Variants in SATL1 observed in about 807,000 individuals in gnomAD.
SATL1 encodes the protein spermidine/spermine N1-acetyl transferase like 1.
SATL1 carries 47 observed loss-of-function variants against 51.8 expected under a neutral mutation model. That is an observed-to-expected ratio of 0.91 (90% CI 0.72 to 1.16). SATL1 has a LOEUF of 1.16. Among genes scored for constraint, SATL1 ranks in the 50% most tolerant of loss-of-function variants. SATL1 has a pLI of 0.00. For missense variants in SATL1, 520 were observed against 526.4 expected (o/e 0.99, Z 0.12); for synonymous variants, 176 against 182.4 (o/e 0.97, Z 0.28).
At chrX:85,140,370 G>C (rs760971772) in intron 2 of SATL1, among the ~76,000 whole-genome samples, 1 of 111,815 alleles carries the variant, frequency 8.9e-6, no homozygotes, top group Non-Finnish European at 1.9e-5. Context: ...CCCTAAGAGG[G>C]TGGTATTATA....
In SATL1 at chrX:85,240,980, G is replaced by A. The variant is rs185700200; in HGVS notation, c.-435+2608C>T. On this transcript the variant is annotated intron_variant, in intron 1 of 7. Transcript: ENST00000644105. ...GTACCCCTGCTCTCTGACACAATAT[G>A]TCACAATCTCATCTTATTTGTTTTT... Among the ~76,000 whole-genome samples the A allele has an allele frequency of 7.0e-3, 762 of 108,847 alleles. 4 individuals carry two copies. The highest frequency in any genetic ancestry group is 0.025 in the African/African-American group (712 of 29,057). The allele number at this position is 108,847 out of a possible 115,157, so 94.5% of individuals were successfully genotyped here.
chrX:85,188,668 C>T (rs748090956), intron 2 of SATL1, among the ~76,000 whole-genome samples: 1 of 111,017 alleles, frequency 9.0e-6, no homozygotes, highest in Admixed American at 9.7e-5. Flanking sequence ...ATTGCATACC[C>T]AAAACTATAC....
chrX:85,164,171 T>C (rs2147730197), intron 2 of SATL1, among the ~76,000 whole-genome samples: 1 of 111,981 alleles, frequency 8.9e-6, no homozygotes, highest in East Asian at 2.8e-4. Flanking sequence ...TCTCAGCAAA[T>C]ACTTGGTTGG....
At chrX:85,123,104 AGTGCTACAATGAACATATGT>A (rs1396378708) in intron 2 of SATL1, among the ~76,000 whole-genome samples, 8 of 111,931 alleles carry the variant, frequency 7.1e-5, no homozygotes, top group Non-Finnish European at 1.3e-4. Context: ...TATTGTGAAT[AGTGCTACAATGAACATATGT>A]GTGCACATGT....
intron 2 of SATL1, among the ~76,000 whole-genome samples, chrX:85,174,707 A>C (rs753595112): frequency 8.9e-6 from 1 of 111,756 alleles, no homozygotes; most frequent in African/African-American, 3.2e-5. Context: ...AATCAAAATC[A>C]AAATCAAATA....
intron 5 of SATL1, 122 bp downstream of exon 5, chrX:85,094,790 TAAAA>T (rs368054738): frequency 2.2e-6 from 1 of 462,270 alleles, no homozygotes; most frequent in Non-Finnish European, 3.8e-6. Context: ...GCATTTTCTT[TAAAA>T]AAACTGGGTT....
At chrX:85,181,238 C>G (rs1927196777) in intron 2 of SATL1, among the ~76,000 whole-genome samples, 2 of 105,978 alleles carry the variant, frequency 1.9e-5, no homozygotes. Context: ...CCTCCTGGAA[C>G]CAAATATTGA....
At chrX:85,220,680 A>C (rs1174372182) in intron 2 of SATL1, among the ~76,000 whole-genome samples, 2 of 87,496 alleles carry the variant, frequency 2.3e-5, no homozygotes, top group Admixed American at 2.5e-4. Flanking sequence ...AAAAAAAAAA[A>C]AAAAAAACTC....
At chrX:85,208,384 A>C (rs906122922) in intron 2 of SATL1, among the ~76,000 whole-genome samples, 2 of 111,673 alleles carry the variant, frequency 1.8e-5, no homozygotes, top group African/African-American at 6.5e-5. Context: ...TCTTTGTAGC[A>C]GCATGATTTA....
intron 2 of SATL1, among the ~76,000 whole-genome samples, chrX:85,221,803 T>A (rs1338220055): frequency 8.9e-6 from 1 of 112,274 alleles, no homozygotes; most frequent in African/African-American, 3.2e-5. Flanking sequence ...GACTCCTTTA[T>A]TTATACTGAG....
intron 2 of SATL1, among the ~76,000 whole-genome samples, chrX:85,171,886 G>T (rs756523265): frequency 1.3e-3 from 141 of 111,530 alleles, no homozygotes; most frequent in African/African-American, 4.3e-3. Context: ...ATGATTTAAA[G>T]AGAATGCCAA....
intron 2 of SATL1, among the ~76,000 whole-genome samples, chrX:85,132,954 A>C: frequency 9.0e-6 from 1 of 111,664 alleles, no homozygotes; most frequent in Non-Finnish European, 1.9e-5. Flanking sequence ...TCCACTCCAG[A>C]CCCTGTTTGC....
At chrX:85,219,284 G>A (rs1928122499) in intron 2 of SATL1, 2 of 112,221 alleles carry the variant, frequency 1.8e-5, no homozygotes, top group Admixed American at 9.4e-5. Context: ...CTGTGAGTAT[G>A]AATTATCTAT....
At chrX:85,134,790 A>G (rs1222454655) in intron 2 of SATL1, among the ~76,000 whole-genome samples, 1 of 111,660 alleles carries the variant, frequency 9.0e-6, no homozygotes, top group Non-Finnish European at 1.9e-5. Context: ...AAGGTTTTCA[A>G]TGCTTAGAGT....
At chrX:85,136,187 G>A (rs893035270) in intron 2 of SATL1, among the ~76,000 whole-genome samples, 1 of 110,039 alleles carries the variant, frequency 9.1e-6, no homozygotes, top group African/African-American at 3.3e-5. Flanking sequence ...AGAATAGATA[G>A]GGAGACAAGA....
chrX:85,221,352 G>A (rs1928174411), intron 2 of SATL1, among the ~76,000 whole-genome samples: 1 of 111,908 alleles, frequency 8.9e-6, no homozygotes, highest in Non-Finnish European at 1.9e-5. Flanking sequence ...TCACTATGAG[G>A]TAGGTACTGT....
intron 7 of SATL1, 86 bp from the exon 8 acceptor site, chrX:85,092,647 A>G: frequency 3.5e-6 from 3 of 850,815 alleles, no homozygotes; most frequent in South Asian, 3.0e-5. Flanking sequence ...GGTCTACTCT[A>G]TGCAAGACAC....
chrX:85,236,577 A>G (rs1928484576), intron 1 of SATL1, among the ~76,000 whole-genome samples: 1 of 111,757 alleles, frequency 8.9e-6, no homozygotes, highest in African/African-American at 3.2e-5. Context: ...AACAGAATGT[A>G]GGACAAAAAA....
rs1602817385 is a variant in SATL1 at position 85,092,729 on chromosome X, T to C, written c.1918-168A>G. The C allele has an allele frequency of 2.0e-5, 9 of 456,296 alleles. No homozygotes were observed. The East Asian group carries it at 3.4e-4, about 17-fold the overall frequency. 37.6% of individuals were successfully genotyped at this position (456,296 alleles called of 1,213,427 possible). Reference sequence around the variant, plus strand: ...TTCTATAGCTGTAAAAAGAAAAAAGTCTCACTGTTCTGAGCTTTAAAGCCC... The same window carrying C: ...TTCTATAGCTGTAAAAAGAAAAAAGCCTCACTGTTCTGAGCTTTAAAGCCC... On this transcript the variant is annotated intron_variant, in intron 7 of 7. Transcript: ENST00000644105.
Sources: allele counts gnomAD v4.1 joint callset (sites outside exome capture counted in the v4.1 genomes callset), GRCh38; gene constraint gnomAD v4.1.1; transcripts MANE v1.5; gene names NCBI Gene and HGNC (gene_info 2026-07-23, HGNC 2026-07-21).